The following MGAT5 variants were observed in gnomAD, a reference collection of about 807,000 sequenced individuals.
MGAT5 encodes the protein alpha-1,6-mannosylglycoprotein 6-beta-N-acetylglucosaminyltransferase, also known as alpha-1,6-mannosylglycoprotein 6-beta-N-acetylglucosaminyltransferase A.
A neutral mutation model predicts 94.3 loss-of-function variants in MGAT5; 30 were observed. That is an observed-to-expected ratio of 0.32 (90% CI 0.24 to 0.43). The LOEUF (loss-of-function observed/expected upper bound fraction) is 0.43, where lower values mean the gene tolerates loss of function less well. MGAT5 is among the 20% of genes least tolerant of loss of function. The probability of loss-of-function intolerance (pLI) is 1.00; values close to 1 mark genes in which losing one functional copy is unlikely to be tolerated. For synonymous variants in MGAT5, 310 were observed against 322.9 expected (o/e 0.96, Z 0.43); for missense variants, 691 against 905.5 (o/e 0.76, Z 3.04).
At chr2:134,334,775 T>C (rs1688237936) in intron 4 of MGAT5, among the ~76,000 whole-genome samples, 1 of 152,120 alleles carries the variant, frequency 6.6e-6, no homozygotes, top group Non-Finnish European at 1.5e-5. Context: ...GAGCTGCAGA[T>C]ATTGCCTTTC....
chr2:134,365,324 G>C (rs1680359468), intron 10 of MGAT5, among the ~76,000 whole-genome samples: 1 of 152,184 alleles, frequency 6.6e-6, no homozygotes, highest in African/African-American at 2.4e-5. Flanking sequence ...AATGTTGGCT[G>C]ATTGGACCCT....
intron 14 of MGAT5, among the ~76,000 whole-genome samples, chr2:134,435,870 A>G (rs1425892387): frequency 6.6e-6 from 1 of 152,190 alleles, no homozygotes; most frequent in African/African-American, 2.4e-5. Context: ...GTTGAATGAA[A>G]CAGAGGATTC....
At chr2:134,187,648 A>T (rs1689112123) in intron 1 of MGAT5, among the ~76,000 whole-genome samples, 2 of 152,240 alleles carry the variant, frequency 1.3e-5, no homozygotes, top group African/African-American at 4.8e-5. Flanking sequence ...TCATGAGGGC[A>T]GGCAGGGACT....
intron 1 of MGAT5, among the ~76,000 whole-genome samples, chr2:134,134,443 A>C (rs749404125): frequency 1.6e-4 from 25 of 152,128 alleles, no homozygotes; most frequent in Non-Finnish European, 2.6e-4. Context: ...TTCTGCTTCC[A>C]TGTGTCTGGC....
intron 1 of MGAT5, among the ~76,000 whole-genome samples, chr2:134,151,847 G>T (rs1687205811): frequency 8.2e-6 from 1 of 122,272 alleles, no homozygotes; most frequent in Admixed American, 8.8e-5. Context: ...CGCCCTATGG[G>T]ACCCGCTTAC....
At chr2:134,427,242 C>G (rs1300493428) in intron 13 of MGAT5, among the ~76,000 whole-genome samples, 1 of 152,164 alleles carries the variant, frequency 6.6e-6, no homozygotes. Context: ...GAAGGTGCCC[C>G]TCCGTCTACC....
intron 1 of MGAT5, among the ~76,000 whole-genome samples, chr2:134,166,333 A>G (rs1010101378): frequency 6.6e-6 from 1 of 152,236 alleles, no homozygotes; most frequent in African/African-American, 2.4e-5. Flanking sequence ...TGCATAGTGC[A>G]GTCTTCAGAA....
At chr2:134,316,981 A>C (rs1687032392) in intron 2 of MGAT5, among the ~76,000 whole-genome samples, 1 of 152,202 alleles carries the variant, frequency 6.6e-6, no homozygotes, top group Non-Finnish European at 1.5e-5. Context: ...CTGGGTCTGT[A>C]AGAAGCTGTA....
intron 1 of MGAT5, among the ~76,000 whole-genome samples, chr2:134,261,849 G>A (rs1166620620): frequency 6.6e-6 from 1 of 152,234 alleles, no homozygotes; most frequent in Non-Finnish European, 1.5e-5. Context: ...GATGCTCTGT[G>A]TGGTACAGTT....
intron 9 of MGAT5, among the ~76,000 whole-genome samples, chr2:134,352,161 C>A (rs1283185921): frequency 6.6e-6 from 1 of 152,152 alleles, no homozygotes; most frequent in Non-Finnish European, 1.5e-5. Flanking sequence ...AGCAAAACCG[C>A]CTCTGCATTT....
intron 13 of MGAT5, among the ~76,000 whole-genome samples, chr2:134,426,383 G>A (rs1023691833): frequency 3.9e-5 from 6 of 152,204 alleles, no homozygotes; most frequent in African/African-American, 1.4e-4. Context: ...GGAGAACAGA[G>A]GAGGAGCCAT....
At chr2:134,230,075 C>G (rs1293981588) in intron 1 of MGAT5, among the ~76,000 whole-genome samples, 3 of 152,204 alleles carry the variant, frequency 2.0e-5, no homozygotes, top group Non-Finnish European at 4.4e-5. Flanking sequence ...AGCCCCCAAA[C>G]TTTTTGGCAC....
chr2:134,147,138 T>A (rs1686956695), intron 1 of MGAT5, among the ~76,000 whole-genome samples: 2 of 152,238 alleles, frequency 1.3e-5, no homozygotes, highest in African/African-American at 4.8e-5. Context: ...ACCATCAGAC[T>A]GTTTTGAAGT....
At chr2:134,165,706 CG>C (rs776655232) in intron 1 of MGAT5, among the ~76,000 whole-genome samples, 6 of 151,818 alleles carry the variant, frequency 4.0e-5, no homozygotes, top group Non-Finnish European at 8.8e-5. Flanking sequence ...ACCCGGGAGG[CG>C]GAGCTTGCAG....
chr2:134,405,121 AT>A (rs1241568551), intron 11 of MGAT5, among the ~76,000 whole-genome samples: 1 of 152,196 alleles, frequency 6.6e-6, no homozygotes, highest in African/African-American at 2.4e-5. Flanking sequence ...CCTACCATCC[AT>A]TACCCTGTCA....
rs1032831937 is a variant in MGAT5, at chr2:134,449,732, A to T, written c.*885A>T. ...CCCTCCCTCCAGCCCCGCTATGAGG[A>T]GGAAAGTAGAGATGAAAGACTCACG... On this transcript the variant is annotated 3_prime_UTR_variant, in exon 16 of 16. Transcript: ENST00000281923. The T allele has an allele frequency of 6.6e-6, 1 of 152,200 alleles. No homozygotes were observed. The highest frequency in any genetic ancestry group is 2.4e-5 in the African/African-American group (1 of 41,442). The allele number at this position is 152,200 out of a possible 1,614,324, so 9.4% of individuals were successfully genotyped here. A position where few individuals can be genotyped will look rare whatever the true frequency, so the allele number is the denominator to read the frequency against.
At chr2:134,282,927 T>C (rs1341868893) in intron 2 of MGAT5, among the ~76,000 whole-genome samples, 3 of 151,966 alleles carry the variant, frequency 2.0e-5, no homozygotes, top group Non-Finnish European at 4.4e-5. Context: ...CCTGGGTGCA[T>C]TTAAGAACCA....
Position 134,428,409 on chromosome 2 carries a change from A to G in MGAT5, c.1839A>G (p.Leu613=). Residue 613 remains leucine (L), a synonymous_variant, in exon 14 of 16, where the codon CTA becomes CTG. Transcript: ENST00000281923. The part of the protein sequence containing the change: ...MPYEFTCEGM[L]QRINAFIEKQ... The stretch of plus-strand genomic sequence containing the variant: ...ATGAATTTACGTGCGAGGGGATGCT[A>G]CAGAGAATCAATGCTTTCATTGAAA... 6.2e-7 allele frequency: 1 copy of G among 1,614,114 alleles called. No homozygotes were observed.
intron 1 of MGAT5, among the ~76,000 whole-genome samples, chr2:134,216,849 CT>C (rs929683696): frequency 2.0e-5 from 3 of 152,128 alleles, no homozygotes; most frequent in Non-Finnish European, 2.9e-5. Flanking sequence ...TATTGCTGTG[CT>C]TGAGAGTTAA....
Sources: allele counts gnomAD v4.1 joint callset (sites outside exome capture counted in the v4.1 genomes callset), GRCh38; gene constraint gnomAD v4.1.1; transcripts MANE v1.5; gene names NCBI Gene and HGNC (gene_info 2026-07-23, HGNC 2026-07-21).